Variants in GCLM observed in about 807,000 individuals in gnomAD.
The protein encoded by GCLM is glutamate-cysteine ligase modifier subunit.
In GCLM, 15 loss-of-function variants were observed where a neutral mutation model predicts 36.0. The ratio of observed to expected loss-of-function variants is 0.42; its 90% confidence interval spans 0.28 to 0.64. The LOEUF is 0.64. GCLM is among the 30% of genes least tolerant of loss of function. The pLI is 0.25. For missense variants in GCLM, 242 were observed against 325.5 expected (o/e 0.74, Z 1.97); for synonymous variants, 129 against 122.8 (o/e 1.05, Z -0.34).
chr1:93,894,617 T>C lies in GCLM; in HGVS notation c.652A>G (p.Lys218Glu). The stretch of plus-strand genomic sequence containing the variant: ...ATAATGAAAATATCAGTTTTACCTT[T>C]TGGATCATTGTGAGTCAACAGCTGT... Reference protein sequence around the residue: ...DIQLLTHNDPKELLSEASFQE... With the variant: ...DIQLLTHNDPEELLSEASFQE... The change falls in exon 6 of 7, where the codon AAA (lysine) becomes GAA (glutamate). Residue 218 changes from lysine (K) to glutamate (E), a missense_variant. By Grantham distance (56) the Lys-to-Glu change is moderately conservative. Transcript: ENST00000370238. 1 of 1,511,618 alleles carries C rather than the reference T, an allele frequency of 6.6e-7. No individual in the cohort carries two copies. The highest frequency in any genetic ancestry group is 1.4e-5 in the African/African-American group (1 of 72,994). The allele number at this position is 1,511,618 out of a possible 1,614,324, so 93.6% of individuals were successfully genotyped here.
chr1:93,894,702 A>G lies in GCLM; in HGVS notation c.567T>C (p.Asn189=). 6.2e-7 allele frequency: 1 copy of G among 1,607,710 alleles called. No homozygotes were observed. Among genetic ancestry groups the G allele is most frequent in the Non-Finnish European group, 8.5e-7 (1 of 1,174,290 alleles). Residue 189 remains asparagine (N), a synonymous_variant, in exon 6 of 7, where the codon AAT becomes AAC. Transcript: ENST00000370238. ...AQVKPNSNQV[N]LASCCVMPPD... is the part of the protein sequence containing the mutation. The stretch of plus-strand genomic sequence containing the variant: ...GTGGCATCACACAGCAGGAGGCAAG[A>G]TTAACTTGGTTACTATTTGGTTTTA...
At chr1:93,902,616 C>A (rs531211147) in intron 2 of GCLM, among the ~76,000 whole-genome samples, 34 of 152,108 alleles carry the variant, frequency 2.2e-4, no homozygotes, top group Non-Finnish European at 4.9e-4. Flanking sequence ...TATCAACATA[C>A]CCACCACAGT....
chr1:93,895,864 G>A (rs569490278), intron 5 of GCLM, among the ~76,000 whole-genome samples: 4 of 151,880 alleles, frequency 2.6e-5, no homozygotes, highest in Admixed American at 6.6e-5. Context: ...ACACATCTTT[G>A]AATAACAGCA....
At chr1:93,894,869 T>C (rs1411570961) in intron 5 of GCLM, 141 bp from the exon 6 acceptor site, 1 of 580,346 alleles carries the variant, frequency 1.7e-6, no homozygotes. Context: ...ACAAAATACT[T>C]TTACATTAAT....
intron 2 of GCLM, chr1:93,904,253 C>A: frequency 2.5e-6 from 1 of 395,958 alleles, no homozygotes; most frequent in Non-Finnish European, 4.6e-6. Flanking sequence ...CAAATATAAA[C>A]TGAAATAAAA....
At position 93,886,536 on chromosome 1, in the gene GCLM, G is replaced by A. The variant is rs1656308754; in HGVS notation, c.*2454C>T. The A allele has an allele frequency of 6.6e-6, 1 of 152,056 alleles. No individual in the cohort carries two copies. Among genetic ancestry groups the A allele is most frequent in the African/African-American group, 2.4e-5 (1 of 41,420 alleles). The allele number at this position is 152,056 out of a possible 1,614,324, so 9.4% of individuals were successfully genotyped here. ...ATAATAGAAAATCAAGAGTAGAGAGGTAAAAGTAAAAACTCATCAAAAAAT... is the reference window on the plus strand; with the variant it reads ...ATAATAGAAAATCAAGAGTAGAGAGATAAAAGTAAAAACTCATCAAAAAAT... On this transcript the variant is annotated 3_prime_UTR_variant, in exon 7 of 7. Coordinates refer to ENST00000370238, the MANE Select transcript of GCLM (RefSeq NM_002061.4).
chr1:93,889,934 T>C (rs1656471290), intron 6 of GCLM, among the ~76,000 whole-genome samples: 1 of 151,128 alleles, frequency 6.6e-6, no homozygotes, highest in Non-Finnish European at 1.5e-5. Flanking sequence ...TTTTTTGAGA[T>C]GGCATCTCAC....
chr1:93,887,859 G>A lies in GCLM; in HGVS notation c.*1131C>T, dbSNP rs1463262924. The A allele has an allele frequency of 6.6e-6, 1 of 152,138 alleles. No homozygotes were observed. The highest frequency in any genetic ancestry group is 2.4e-5 in the African/African-American group (1 of 41,432). 9.4% of individuals were successfully genotyped at this position (152,138 alleles called of 1,614,324 possible). The stretch of plus-strand genomic sequence containing the variant: ...AAGGAGATTTATAGTGTACATCAAA[G>A]TTCATAGCTTATTTATTTGCAATTT... On this transcript the variant is annotated 3_prime_UTR_variant, in exon 7 of 7. Transcript: ENST00000370238.
intron 6 of GCLM, among the ~76,000 whole-genome samples, chr1:93,893,940 T>C (rs1172218269): frequency 2.0e-5 from 3 of 152,196 alleles, no homozygotes; most frequent in Admixed American, 2.0e-4. Context: ...TGCCACTTTT[T>C]CCAGATATTT....
At chr1:93,902,681 G>C (rs1204495836) in intron 2 of GCLM, among the ~76,000 whole-genome samples, 1 of 151,986 alleles carries the variant, frequency 6.6e-6, no homozygotes, top group Non-Finnish European at 1.5e-5. Flanking sequence ...AATCACCCAA[G>C]TCCAGTTTAT....
Position 93,895,686 on chromosome 1 carries a change from A to G in GCLM, c.540+932T>C, listed in dbSNP as rs17887188. ...CCATAAGAAACTCTGAAAGCTCTGAAAAGGAGAAGGCTGAAGAAGAAGTAA... is the reference window on the plus strand; with the variant it reads ...CCATAAGAAACTCTGAAAGCTCTGAGAAGGAGAAGGCTGAAGAAGAAGTAA... On this transcript the variant is annotated intron_variant, in intron 5 of 6. Transcript: ENST00000370238. Among the ~76,000 whole-genome samples, 1,381 of 152,284 alleles carry G rather than the reference A, an allele frequency of 9.1e-3. 22 individuals carry two copies. The highest frequency in any genetic ancestry group is 0.031 in the African/African-American group (1,303 of 41,556).
In GCLM at chr1:93,909,222, C is replaced by A. The variant is rs1017963949; in HGVS notation, c.-59G>T. ...GGCTGCGGGCGGGCGGGCAGGCAGG[C>A]GGCCGCCCCACAGGACGCGGTGCCC... On this transcript the variant is annotated 5_prime_UTR_variant, in exon 1 of 7. Transcript: ENST00000370238. 9.0e-5 allele frequency: 102 copies of A among 1,130,656 alleles called. No individual in the cohort carries two copies. Among genetic ancestry groups the A allele is most frequent in the Non-Finnish European group, 1.0e-4 (96 of 926,282 alleles). 70.0% of individuals were successfully genotyped at this position (1,130,656 alleles called of 1,614,324 possible).
intron 3 of GCLM, 40 bp from the exon 4 acceptor site, chr1:93,897,938 A>T (rs1571201766): frequency 8.8e-7 from 1 of 1,137,730 alleles, no homozygotes; most frequent in Non-Finnish European, 1.2e-6. Flanking sequence ...CTACATTTGG[A>T]TACACATTTC....
intron 2 of GCLM, among the ~76,000 whole-genome samples, chr1:93,902,201 A>G (rs1326796618): frequency 6.6e-6 from 1 of 152,184 alleles, no homozygotes. Context: ...GTTTTGAGAC[A>G]GAGTCTCGCT....
chr1:93,906,372 T>C (rs1408778831), intron 1 of GCLM, among the ~76,000 whole-genome samples: 3 of 152,210 alleles, frequency 2.0e-5, no homozygotes, highest in Non-Finnish European at 4.4e-5. Flanking sequence ...CAGAACCAAC[T>C]AGAGGTTAAA....
Position 93,904,571 on chromosome 1 carries a change from T to C in GCLM, c.144A>G (p.Gln48=), listed in dbSNP as rs1403107784. ...GGGAACTCCATTCATTCAAGGTTTT[T>C]TGGATACAATCATGAAGCTGCAAAA... is the stretch of plus-strand genomic sequence containing the variant. ...THSEELHDCI[Q]KTLNEWSSQI... Residue 48 remains glutamine, a synonymous_variant, in exon 2 of 7, where the codon CAA becomes CAG. Transcript: ENST00000370238. 2 of 1,611,048 alleles carry C rather than the reference T, an allele frequency of 1.2e-6. No individual in the cohort carries two copies. The highest frequency in any genetic ancestry group is 2.2e-5 in the East Asian group (1 of 44,832).
Position 93,885,405 on chromosome 1 carries a change from T to G in GCLM, c.*3585A>C, listed in dbSNP as rs1656269197. On this transcript the variant is annotated 3_prime_UTR_variant, in exon 7 of 7. Coordinates refer to ENST00000370238, the MANE Select transcript of GCLM (RefSeq NM_002061.4). Reference sequence around the variant, plus strand: ...TAAACATTTAATAATGCTTTATAATTTGCTATTATAGTACACCACTACAGA... The same window carrying G: ...TAAACATTTAATAATGCTTTATAATGTGCTATTATAGTACACCACTACAGA... 6.6e-6 allele frequency: 1 copy of G among 152,174 alleles called. No homozygotes were observed. Among genetic ancestry groups the G allele is most frequent in the Admixed American group, 6.5e-5 (1 of 15,274 alleles). The allele number at this position is 152,174 out of a possible 1,614,324, so 9.4% of individuals were successfully genotyped here.
chr1:93,908,953 C>T (rs1657252402), intron 1 of GCLM, 85 bp downstream of exon 1: 1 of 1,142,078 alleles, frequency 8.8e-7, no homozygotes, highest in Admixed American at 4.3e-5. Flanking sequence ...CTCCCTCGCC[C>T]GCGGGCGCTT....
At chr1:93,891,169 G>A (rs1211135915) in intron 6 of GCLM, among the ~76,000 whole-genome samples, 1 of 152,100 alleles carries the variant, frequency 6.6e-6, no homozygotes, top group Admixed American at 6.6e-5. Context: ...TTACAGGTGT[G>A]AGCCACCATG....
Sources: gnomAD v4.1 joint callset for allele counts (sites outside exome capture counted in the v4.1 genomes callset) on GRCh38, gnomAD v4.1.1 for gene constraint, MANE v1.5 for transcripts, NCBI Gene and HGNC (gene_info 2026-07-23, HGNC 2026-07-21) for gene names.